SLC38A12: variants seen among roughly 807,000 people sequenced by gnomAD.
SLC38A12 encodes putative sodium-coupled neutral amino acid transporter 12.
At chr17:74,790,694 T>C in the SLC38A12 span, among the ~76,000 whole-genome samples, 113 of 151,284 alleles carry the variant, frequency 7.5e-4, no homozygotes, top group African/African-American at 2.7e-3. Context: ...TGCCTTGCTG[T>C]CTCCTCCCTG....
the SLC38A12 span, chr17:74,788,704 GGTCGGTTCTTA>G: frequency 8.4e-7 from 1 of 1,185,858 alleles, no homozygotes; most frequent in Non-Finnish European, 1.2e-6. Context: ...TGGTGGGTCT[GGTCGGTTCTTA>G]CAATGGTGTT....
At chr17:74,788,838 C>T in the SLC38A12 span, 1 of 1,613,484 alleles carries the variant, frequency 6.2e-7, no homozygotes, top group Non-Finnish European at 8.5e-7. Context: ...AGCCAACGCG[C>T]AGCTCCACTG....
the SLC38A12 span, chr17:74,788,823 G>A: frequency 1.9e-6 from 3 of 1,613,508 alleles, no homozygotes; most frequent in South Asian, 1.1e-5. Flanking sequence ...AGAGGCCATG[G>A]CTGCAGCCAA....
chr17:74,821,858 GA>G, the SLC38A12 span, among the ~76,000 whole-genome samples: 27 of 152,308 alleles, frequency 1.8e-4, no homozygotes, highest in Middle Eastern at 3.4e-3. Context: ...CAGCACTGGG[GA>G]GGGGGAAAGG....
chr17:74,803,412 G>A, the SLC38A12 span, among the ~76,000 whole-genome samples: 2 of 151,876 alleles, frequency 1.3e-5, no homozygotes. Context: ...GGAGAGCTCC[G>A]CGGAGCTTGA....
At chr17:74,784,723 A>T in the SLC38A12 span, among the ~76,000 whole-genome samples, 1 of 152,026 alleles carries the variant, frequency 6.6e-6, no homozygotes, top group African/African-American at 2.4e-5. Flanking sequence ...ATCATTGTAA[A>T]CTGTGGGTTG....
chr17:74,801,109 T>C, the SLC38A12 span, among the ~76,000 whole-genome samples: 3 of 152,142 alleles, frequency 2.0e-5, no homozygotes, highest in Non-Finnish European at 2.9e-5. Context: ...GTGCCTCCTT[T>C]ATAGGATGGC....
chr17:74,787,051 G>C, the SLC38A12 span, among the ~76,000 whole-genome samples: 1 of 152,114 alleles, frequency 6.6e-6, no homozygotes, highest in East Asian at 1.9e-4. Flanking sequence ...TTAATTTCAC[G>C]TCCAAAAAGA....
the SLC38A12 span, among the ~76,000 whole-genome samples, chr17:74,832,341 G>T: frequency 6.6e-6 from 1 of 152,206 alleles, no homozygotes; most frequent in East Asian, 1.9e-4. Context: ...ACTCCCAGGG[G>T]ACAGATCCCA....
the SLC38A12 span, chr17:74,790,095 A>T: frequency 2.3e-6 from 2 of 870,716 alleles, no homozygotes; most frequent in Non-Finnish European, 3.7e-6. Context: ...CTAGGACTAC[A>T]GGCACATGAC....
At chr17:74,804,202 A>C in the SLC38A12 span, among the ~76,000 whole-genome samples, 1 of 152,250 alleles carries the variant, frequency 6.6e-6, no homozygotes, top group African/African-American at 2.4e-5. Flanking sequence ...GCAGAGCCTG[A>C]TGTCTTTCTA....
chr17:74,830,327 C>T, the SLC38A12 span, among the ~76,000 whole-genome samples: 1 of 152,218 alleles, frequency 6.6e-6, no homozygotes, highest in East Asian at 1.9e-4. Context: ...CCCTTATAAA[C>T]CAGCGCCACC....
At chr17:74,838,043 T>C in the SLC38A12 span, 1 of 985,888 alleles carries the variant, frequency 1.0e-6, no homozygotes, top group Non-Finnish European at 1.2e-6. Flanking sequence ...AGCGACGATG[T>C]AGGGTCTCCC....
chr17:74,785,014 T>C, the SLC38A12 span, among the ~76,000 whole-genome samples: 1 of 151,980 alleles, frequency 6.6e-6, no homozygotes, highest in Non-Finnish European at 1.5e-5. Context: ...AAGAGAAGCA[T>C]GAATATCCGT....
the SLC38A12 span, among the ~76,000 whole-genome samples, chr17:74,802,469 G>T: frequency 6.6e-6 from 1 of 152,158 alleles, no homozygotes; most frequent in Non-Finnish European, 1.5e-5. Flanking sequence ...GTCCTGAGGG[G>T]TGACAGGGTC....
chr17:74,799,726 G>T, the SLC38A12 span, among the ~76,000 whole-genome samples: 7 of 152,180 alleles, frequency 4.6e-5, no homozygotes, highest in Non-Finnish European at 1.0e-4. Context: ...GCTCTGCCAG[G>T]ATTCCATCTT....
At chr17:74,809,952 G>A in the SLC38A12 span, among the ~76,000 whole-genome samples, 2 of 152,122 alleles carry the variant, frequency 1.3e-5, no homozygotes, top group Non-Finnish European at 2.9e-5. Flanking sequence ...GCGAAGGGAC[G>A]GGTCTTTCCT....
At chr17:74,794,739 T>A in the SLC38A12 span, among the ~76,000 whole-genome samples, 2 of 152,068 alleles carry the variant, frequency 1.3e-5, no homozygotes, top group African/African-American at 4.8e-5. Context: ...TGCACCTGTC[T>A]GGCTTCAAAA....
the SLC38A12 span, among the ~76,000 whole-genome samples, chr17:74,798,813 C>T: frequency 2.3e-5 from 3 of 132,374 alleles, no homozygotes; most frequent in Non-Finnish European, 3.2e-5. Context: ...CTCTTTCAAA[C>T]GGGTAACCTT....
Sources: allele counts gnomAD v4.1 joint callset (sites outside exome capture counted in the v4.1 genomes callset), GRCh38; gene constraint gnomAD v4.1.1; transcripts MANE v1.5; gene names NCBI Gene and HGNC (gene_info 2026-07-23, HGNC 2026-07-21).